The following IKBKB variants were observed in gnomAD, a reference collection of about 807,000 sequenced individuals.
The protein encoded by IKBKB is inhibitor of nuclear factor kappa B kinase subunit beta.
Under a neutral mutation model 113.6 loss-of-function variants are expected in IKBKB, and 42 were observed. The observed-to-expected ratio is 0.37, with a 90% CI of 0.29 to 0.48. IKBKB has a LOEUF of 0.48. Ranked by LOEUF, IKBKB falls within the 20% of genes least tolerant of loss-of-function variation. The pLI is 0.99. For missense variants in IKBKB, 673 were observed against 939.7 expected, an observed-to-expected ratio of 0.72 and a Z score of 3.71; for synonymous variants, 296 against 361.3, an observed-to-expected ratio of 0.82 and a Z score of 2.05.
At chr8:42,290,355 T>A in intron 4 of IKBKB, 82 bp downstream of exon 4, 1 of 901,592 alleles carries the variant, frequency 1.1e-6, no homozygotes, top group Non-Finnish European at 1.8e-6. Flanking sequence ...ACCTTTCACT[T>A]CTGTCATCAT....
intron 3 of IKBKB, among the ~76,000 whole-genome samples, chr8:42,289,893 T>C (rs1812239573): frequency 6.6e-6 from 1 of 152,204 alleles, no homozygotes; most frequent in South Asian, 2.1e-4. Flanking sequence ...GGCAGCACGA[T>C]GAGGACTTGG....
At chr8:42,319,226 G>A in intron 13 of IKBKB, 44 bp from the exon 14 acceptor site, 1 of 1,591,472 alleles carries the variant, frequency 6.3e-7, no homozygotes, top group Non-Finnish European at 8.6e-7. Flanking sequence ...AATGGAATTT[G>A]GATCCCAGAG....
intron 5 of IKBKB, among the ~76,000 whole-genome samples, chr8:42,295,593 C>T (rs552405554): frequency 1.2e-4 from 19 of 152,252 alleles, no homozygotes; most frequent in East Asian, 1.2e-3. Context: ...GGCATGGTGA[C>T]GGGCGCCTGT....
chr8:42,307,290 G>A (rs1208125376), intron 7 of IKBKB, among the ~76,000 whole-genome samples: 3 of 152,186 alleles, frequency 2.0e-5, no homozygotes, highest in Admixed American at 6.5e-5. Context: ...AAGGGAAAGA[G>A]AGTCTTGAGT....
At position 42,308,121 on chromosome 8, in the gene IKBKB, A is replaced by G. The variant is rs563958968; in HGVS notation, c.568-780A>G. On this transcript the variant is annotated intron_variant, in intron 7 of 21. Coordinates refer to ENST00000520810, the MANE Select transcript of IKBKB (RefSeq NM_001556.3). ...ACATGGTACCTGGTTCAGGGGTTCA[A>G]CCAGCACTTAATGCGTGTATTTGGT... Among the ~76,000 whole-genome samples the G allele has an allele frequency of 2.0e-4, 30 of 152,228 alleles. No individual in the cohort carries two copies. The East Asian group carries it at 2.9e-3, about 15-fold the overall frequency.
chr8:42,319,208 G>T (rs886403736), intron 13 of IKBKB, 62 bp from the exon 14 acceptor site: 37 of 1,507,194 alleles, frequency 2.5e-5, no homozygotes, highest in Non-Finnish European at 3.1e-5. Context: ...TTTTGTTATT[G>T]TACAGGAAAT....
At chr8:42,278,471 G>C (rs1221649773) in intron 2 of IKBKB, among the ~76,000 whole-genome samples, 2 of 152,192 alleles carry the variant, frequency 1.3e-5, no homozygotes, top group Non-Finnish European at 2.9e-5. Context: ...CGGAAGAAAT[G>C]CCTTGATCCA....
In IKBKB at chr8:42,322,059, C is replaced by T. The variant is rs1819880656; in HGVS notation, c.1744C>T (p.Arg582Ter). ...RRLREKPRDQ[R>*]TEGDSQEMVR... ...GCTACCCTCCCTCTCTCCAGACCAG[C>T]GAACTGAGGGTGACAGTCAGGAAAT... Residue 582 changes from arginine (R) to a stop codon, truncating the protein, a stop_gained, in exon 18 of 22, where the codon CGA becomes TGA. Coordinates refer to ENST00000520810, the MANE Select transcript of IKBKB (RefSeq NM_001556.3). LOFTEE classifies it high-confidence loss of function. 1.2e-6 allele frequency: 2 copies of T among 1,613,462 alleles called. No individual in the cohort carries two copies. The highest frequency in any genetic ancestry group is 1.7e-6 in the Non-Finnish European group (2 of 1,179,636).
intron 2 of IKBKB, among the ~76,000 whole-genome samples, chr8:42,282,558 TG>T (rs1422341835): frequency 6.6e-6 from 1 of 152,122 alleles, no homozygotes; most frequent in African/African-American, 2.4e-5. Context: ...TACCAGAAGT[TG>T]GGTACTGAGA....
chr8:42,322,974 A>T (rs1820043947), intron 19 of IKBKB, among the ~76,000 whole-genome samples: 1 of 152,198 alleles, frequency 6.6e-6, no homozygotes, highest in Non-Finnish European at 1.5e-5. Context: ...GTCCCGTGTC[A>T]GCAGGGCTGA....
chr8:42,295,031 T>A (rs1289683747), intron 5 of IKBKB, among the ~76,000 whole-genome samples: 1 of 140,300 alleles, frequency 7.1e-6, no homozygotes, highest in South Asian at 2.1e-4. Context: ...AAGTTATTAT[T>A]TTTTTTTTGG....
chr8:42,323,406 G>A (rs747381694), intron 19 of IKBKB, among the ~76,000 whole-genome samples: 1 of 152,216 alleles, frequency 6.6e-6, no homozygotes, highest in Non-Finnish European at 1.5e-5. Flanking sequence ...ATGCCACATG[G>A]TGGGGAAATG....
intron 13 of IKBKB, 28 bp downstream of exon 13, chr8:42,318,703 T>A: frequency 1.9e-6 from 3 of 1,566,838 alleles, no homozygotes; most frequent in Non-Finnish European, 2.6e-6. Flanking sequence ...TTTTTTAAAC[T>A]TAATTTATTT....
intron 2 of IKBKB, among the ~76,000 whole-genome samples, chr8:42,281,052 C>T (rs1810279413): frequency 6.6e-6 from 1 of 152,132 alleles, no homozygotes; most frequent in African/African-American, 2.4e-5. Context: ...TTAAGTGAGT[C>T]TAAATCCAAG....
intron 19 of IKBKB, 71 bp downstream of exon 19, chr8:42,322,565 C>A (rs146579629): frequency 5.3e-6 from 8 of 1,519,720 alleles, no homozygotes; most frequent in Admixed American, 1.7e-5. Context: ...TGTGCACTGC[C>A]GCCATCCCAC....
intron 2 of IKBKB, among the ~76,000 whole-genome samples, chr8:42,279,060 G>A (rs997824416): frequency 8.9e-4 from 135 of 152,300 alleles, no homozygotes; most frequent in African/African-American, 3.2e-3. Context: ...GTGGAGTAGA[G>A]GTGGAGGGGA....
At chr8:42,299,182 G>A (rs149406326) in intron 5 of IKBKB, among the ~76,000 whole-genome samples, 2 of 152,140 alleles carry the variant, frequency 1.3e-5, no homozygotes, top group South Asian at 2.1e-4. Flanking sequence ...CTTTCTGCCC[G>A]CTGCCCAGGA....
At position 42,288,617 on chromosome 8, in the gene IKBKB, CTG is replaced by C; in HGVS notation, c.106-14_106-13del. 1 of 1,598,954 alleles carries C rather than the reference CTG, an allele frequency of 6.3e-7. No individual in the cohort carries two copies. The highest frequency in any genetic ancestry group is 8.5e-7 in the Non-Finnish European group (1 of 1,170,802). The stretch of plus-strand genomic sequence containing the variant: ...CTGCAGCTCGCTCTGCTGGTCCCCA[CTG>C]TGCTGTTTCTGTAGGAAACAGGTGA... On this transcript the variant is annotated splice_polypyrimidine_tract_variant and intron_variant, in intron 2 of 21. Coordinates refer to ENST00000520810, the MANE Select transcript of IKBKB (RefSeq NM_001556.3).
intron 3 of IKBKB, 105 bp downstream of exon 3, chr8:42,288,833 T>A: frequency 1.2e-6 from 1 of 864,854 alleles, no homozygotes; most frequent in Non-Finnish European, 1.8e-6. Context: ...CCTGTAATCC[T>A]AGCACTTTGG....
Sources: allele counts gnomAD v4.1 joint callset (sites outside exome capture counted in the v4.1 genomes callset), GRCh38; gene constraint gnomAD v4.1.1; transcripts MANE v1.5; gene names NCBI Gene and HGNC (gene_info 2026-07-23, HGNC 2026-07-21).